Variants in CDC73 observed in about 807,000 individuals in gnomAD.
CDC73 encodes the protein parafibromin.
In CDC73, 21 loss-of-function variants were observed where a neutral mutation model predicts 83.7. The ratio of observed to expected loss-of-function variants is 0.25; its 90% CI spans 0.18 to 0.36. The LOEUF is 0.36. Ranked by LOEUF, CDC73 falls within the 10% of genes least tolerant of loss-of-function variation. The pLI is 1.00. For missense variants in CDC73, 342 were observed against 653.3 expected (o/e 0.52, Z 5.19); for synonymous variants, 224 against 212.9 (o/e 1.05, Z -0.45).
intron 5 of CDC73, 103 bp downstream of exon 5, chr1:193,135,692 T>C: frequency 1.1e-6 from 1 of 924,202 alleles, no homozygotes; most frequent in African/African-American, 1.7e-5. Flanking sequence ...GGAGCTTTTT[T>C]TCTGGAAAAA....
At position 193,239,147 on chromosome 1, in the gene CDC73, A is replaced by G. The variant is rs529183395; in HGVS notation, c.1417+2791A>G. On this transcript the variant is annotated intron_variant, in intron 15 of 16. Coordinates refer to ENST00000367435, the MANE Select transcript of CDC73 (RefSeq NM_024529.5). ...TGAGATAACTTCTCTGTGATATCTC[A>G]TTGGTACATCAAACTCAACCTTTTC... is the stretch of plus-strand genomic sequence containing the variant. Among the ~76,000 whole-genome samples, 48 of 152,286 alleles carry G rather than the reference A, an allele frequency of 3.2e-4. No individual in the cohort carries two copies. The South Asian group carries it at 9.7e-3, about 31-fold the overall frequency.
chr1:193,204,222 T>C (rs1242026326), intron 11 of CDC73, among the ~76,000 whole-genome samples: 10 of 13,060 alleles, frequency 7.7e-4, no homozygotes, highest in Admixed American at 5.2e-3. Flanking sequence ...TATATGTATA[T>C]ATATGTATAT....
At chr1:193,169,653 A>G (rs540428003) in intron 10 of CDC73, among the ~76,000 whole-genome samples, 1 of 152,264 alleles carries the variant, frequency 6.6e-6, no homozygotes, top group Non-Finnish European at 1.5e-5. Context: ...AGATGCAAGA[A>G]TATTAAATGA....
intron 10 of CDC73, chr1:193,180,958 T>G: frequency 1.2e-6 from 2 of 1,613,526 alleles, no homozygotes; most frequent in Non-Finnish European, 1.7e-6. Context: ...TATTGCACGT[T>G]GAAGGTAGCC....
chr1:193,150,773 T>G (rs759816449), intron 9 of CDC73, among the ~76,000 whole-genome samples: 7 of 152,342 alleles, frequency 4.6e-5, no homozygotes, highest in Non-Finnish European at 7.3e-5. Flanking sequence ...GCATTCTGCC[T>G]TAGTTTTCTC....
At chr1:193,167,961 A>T (rs533902578) in intron 10 of CDC73, among the ~76,000 whole-genome samples, 97 of 152,158 alleles carry the variant, frequency 6.4e-4, no homozygotes, top group Non-Finnish European at 1.2e-3. Flanking sequence ...CCCGGGTTCA[A>T]GCAGTTCTCC....
At chr1:193,244,519 C>A (rs1055841068) in intron 15 of CDC73, among the ~76,000 whole-genome samples, 1 of 152,090 alleles carries the variant, frequency 6.6e-6, no homozygotes, top group Admixed American at 6.5e-5. Flanking sequence ...AAGTTTGAGG[C>A]CCTGGCCTAC....
At chr1:193,195,805 G>A (rs946694456) in intron 10 of CDC73, among the ~76,000 whole-genome samples, 1 of 152,076 alleles carries the variant, frequency 6.6e-6, no homozygotes, top group Non-Finnish European at 1.5e-5. Flanking sequence ...CTGTATCTCT[G>A]GAGAAATACC....
chr1:193,250,721 G>A lies in CDC73; in HGVS notation c.*9G>A. 6.2e-7 allele frequency: 1 copy of A among 1,606,158 alleles called. No homozygotes were observed. The highest frequency in any genetic ancestry group is 8.5e-7 in the Non-Finnish European group (1 of 1,173,698). ...CGCACTTGAGATTCTGAATTATTTG[G>A]CTCCTCCATTTCTGGAAATTGAGAC... On this transcript the variant is annotated 3_prime_UTR_variant, in exon 17 of 17. Transcript: ENST00000367435.
At chr1:193,131,530 C>G in intron 3 of CDC73, among the ~76,000 whole-genome samples, 1 of 152,262 alleles carries the variant, frequency 6.6e-6, no homozygotes, top group Middle Eastern at 3.4e-3. Flanking sequence ...TTGATTGTGT[C>G]ACTCACCTGT....
chr1:193,243,056 C>T (rs555845078), intron 15 of CDC73, among the ~76,000 whole-genome samples: 79 of 152,024 alleles, frequency 5.2e-4, no homozygotes, highest in Non-Finnish European at 8.4e-4. Flanking sequence ...AGCAGTTCCC[C>T]TGCCTCAGCC....
At chr1:193,230,030 G>T (rs533230238) in intron 13 of CDC73, among the ~76,000 whole-genome samples, 1 of 152,030 alleles carries the variant, frequency 6.6e-6, no homozygotes, top group East Asian at 1.9e-4. Flanking sequence ...TTCACTGTAT[G>T]TAAATTTTAT....
At chr1:193,248,279 T>C (rs1417263369) in intron 15 of CDC73, among the ~76,000 whole-genome samples, 1 of 152,082 alleles carries the variant, frequency 6.6e-6, no homozygotes, top group Non-Finnish European at 1.5e-5. Context: ...ACAGCAGGGT[T>C]CAGTGAATAT....
intron 11 of CDC73, among the ~76,000 whole-genome samples, chr1:193,205,924 T>C (rs1288955321): frequency 6.6e-6 from 1 of 152,128 alleles, no homozygotes; most frequent in East Asian, 1.9e-4. Context: ...TTGTTTGTTT[T>C]TCTTTGTAAG....
intron 11 of CDC73, among the ~76,000 whole-genome samples, chr1:193,211,570 C>T (rs543343393): frequency 7.2e-5 from 11 of 152,192 alleles, no homozygotes; most frequent in South Asian, 2.1e-4. Flanking sequence ...TGAGGCCATT[C>T]GCAAGTAAAA....
chr1:193,128,364 G>T (rs990184078), intron 2 of CDC73, among the ~76,000 whole-genome samples: 4 of 151,982 alleles, frequency 2.6e-5, no homozygotes, highest in Non-Finnish European at 4.4e-5. Flanking sequence ...CAGGATCTTG[G>T]CTTGCCACAG....
At chr1:193,154,047 C>G (rs1346434076) in intron 10 of CDC73, among the ~76,000 whole-genome samples, 2 of 152,146 alleles carry the variant, frequency 1.3e-5, no homozygotes, top group Non-Finnish European at 2.9e-5. Context: ...TTCTTCCTGA[C>G]TTCAATATAT....
chr1:193,225,340 C>G (rs1558317175), intron 13 of CDC73, among the ~76,000 whole-genome samples: 1 of 151,516 alleles, frequency 6.6e-6, no homozygotes, highest in African/African-American at 2.4e-5. Flanking sequence ...CACATTTTTG[C>G]AATTGCGAAT....
chr1:193,145,643 G>C (rs1308438571), intron 7 of CDC73, among the ~76,000 whole-genome samples: 4 of 151,832 alleles, frequency 2.6e-5, no homozygotes, highest in Non-Finnish European at 5.9e-5. Flanking sequence ...TAATTCAATA[G>C]ATACTGTAGT....
Sources: allele counts gnomAD v4.1 joint callset (sites outside exome capture counted in the v4.1 genomes callset), GRCh38; gene constraint gnomAD v4.1.1; transcripts MANE v1.5; gene names NCBI Gene and HGNC (gene_info 2026-07-23, HGNC 2026-07-21).